Variants in ERBB4 observed in about 807,000 individuals in gnomAD.
ERBB4 encodes erb-b2 receptor tyrosine kinase 4.
A neutral mutation model predicts 158.0 loss-of-function variants in ERBB4; 42 were observed. The observed-to-expected ratio is 0.27, with a 90% confidence interval of 0.21 to 0.34. The LOEUF (loss-of-function observed/expected upper bound fraction) is 0.34, where lower values mean the gene tolerates loss of function less well. ERBB4 is among the 10% of genes least tolerant of loss of function. The probability of loss-of-function intolerance (pLI) is 1.00; values close to 1 mark genes in which losing one functional copy is unlikely to be tolerated. For missense variants in ERBB4, 1,333 were observed against 1,624.1 expected (o/e 0.82, Z 3.08); for synonymous variants, 583 against 558.7 (o/e 1.04, Z -0.61).
intron 24 of ERBB4, among the ~76,000 whole-genome samples, chr2:211,421,299 G>T (rs1250795258): frequency 6.6e-6 from 1 of 151,724 alleles, no homozygotes; most frequent in African/African-American, 2.4e-5. Context: ...TTATCTTTAT[G>T]TCAGACTGTC....
chr2:212,402,070 A>G (rs1199341780), intron 1 of ERBB4, among the ~76,000 whole-genome samples: 1 of 152,146 alleles, frequency 6.6e-6, no homozygotes, highest in Admixed American at 6.6e-5. Context: ...ACTAAAGTTC[A>G]CAGCAACTTT....
intron 19 of ERBB4, among the ~76,000 whole-genome samples, chr2:211,580,862 TATAC>T (rs1559317584): frequency 0.032 from 157 of 4,908 alleles, 15 homozygotes; most frequent in South Asian, 0.11. Context: ...ATAGTATGCA[TATAC>T]ATATATATAT....
rs536092269 is a variant in ERBB4 at position 211,407,205 on chromosome 2, T to A, written c.3135+13236A>T. Among the ~76,000 whole-genome samples the A allele has an allele frequency of 3.1e-4, 47 of 152,322 alleles. No homozygotes were observed. The South Asian group carries it at 9.7e-3, about 32-fold the overall frequency. On this transcript the variant is annotated intron_variant, in intron 25 of 27. Coordinates refer to ENST00000342788, the MANE Select transcript of ERBB4 (RefSeq NM_005235.3). The stretch of plus-strand genomic sequence containing the variant: ...AGTGATAACAGGTATCACCTATTAT[T>A]ATTTACTCTTTGAGGAATTTAATAC...
At chr2:212,013,197 C>T (rs2076432885) in intron 2 of ERBB4, among the ~76,000 whole-genome samples, 1 of 152,050 alleles carries the variant, frequency 6.6e-6, no homozygotes, top group African/African-American at 2.4e-5. Context: ...GCTAGGGCTA[C>T]AGGCACTCAC....
chr2:212,218,800 G>T (rs1029232728), intron 1 of ERBB4, among the ~76,000 whole-genome samples: 1 of 151,362 alleles, frequency 6.6e-6, no homozygotes, highest in African/African-American at 2.4e-5. Flanking sequence ...TCAGAAAGAT[G>T]AGTTTCATGT....
At chr2:212,120,259 T>A (rs1403047738) in intron 2 of ERBB4, among the ~76,000 whole-genome samples, 1 of 152,196 alleles carries the variant, frequency 6.6e-6, no homozygotes, top group Non-Finnish European at 1.5e-5. Context: ...ATTTGAGTAG[T>A]CAAGAACCTA....
At chr2:211,974,386 G>C (rs2081545639) in intron 2 of ERBB4, among the ~76,000 whole-genome samples, 2 of 152,154 alleles carry the variant, frequency 1.3e-5, no homozygotes, top group Admixed American at 6.5e-5. Context: ...GAAGAAGGGA[G>C]GAGGTGACAT....
chr2:212,236,650 T>C (rs2083887801), intron 1 of ERBB4, among the ~76,000 whole-genome samples: 1 of 152,218 alleles, frequency 6.6e-6, no homozygotes, highest in Non-Finnish European at 1.5e-5. Flanking sequence ...CAGAACTTGT[T>C]ATCAGTCTAT....
At chr2:212,331,532 G>GA (rs2088172790) in intron 1 of ERBB4, among the ~76,000 whole-genome samples, 3 of 151,898 alleles carry the variant, frequency 2.0e-5, no homozygotes, top group South Asian at 2.1e-4. Context: ...CAGGGAGATA[G>GA]AAAAAAGCAT....
intron 3 of ERBB4, among the ~76,000 whole-genome samples, chr2:211,843,955 A>G (rs1331858824): frequency 6.6e-6 from 1 of 152,150 alleles, no homozygotes; most frequent in African/African-American, 2.4e-5. Context: ...TGAATTGCCA[A>G]CTTTTCACAG....
At chr2:212,204,380 G>C (rs2082674662) in intron 1 of ERBB4, among the ~76,000 whole-genome samples, 1 of 152,048 alleles carries the variant, frequency 6.6e-6, no homozygotes, top group Non-Finnish European at 1.5e-5. Context: ...ATAAAGAACT[G>C]TGAACTTCTG....
intron 1 of ERBB4, among the ~76,000 whole-genome samples, chr2:212,222,257 C>G (rs538446682): frequency 6.6e-6 from 1 of 151,410 alleles, no homozygotes; most frequent in Non-Finnish European, 1.5e-5. Context: ...ATGAGGAGTA[C>G]GGGTTAATGG....
intron 12 of ERBB4, among the ~76,000 whole-genome samples, chr2:211,690,779 G>A (rs939844556): frequency 6.6e-6 from 1 of 152,152 alleles, no homozygotes; most frequent in Non-Finnish European, 1.5e-5. Flanking sequence ...CATGAGTGAA[G>A]GAGTGGAAGG....
chr2:211,794,514 TATGATA>T, intron 3 of ERBB4, among the ~76,000 whole-genome samples: 1 of 151,942 alleles, frequency 6.6e-6, no homozygotes, highest in South Asian at 2.1e-4. Context: ...TTTTGATGAT[TATGATA>T]ATGATAACAT....
chr2:211,689,564 C>T (rs2072714117), intron 12 of ERBB4, among the ~76,000 whole-genome samples: 1 of 152,014 alleles, frequency 6.6e-6, no homozygotes, highest in Non-Finnish European at 1.5e-5. Flanking sequence ...AATGACTTCG[C>T]ACTAATTTAT....
intron 1 of ERBB4, among the ~76,000 whole-genome samples, chr2:212,287,622 G>T (rs1198371688): frequency 6.6e-6 from 1 of 152,052 alleles, no homozygotes; most frequent in Non-Finnish European, 1.5e-5. Flanking sequence ...TATCCAGTAA[G>T]AGGCGTGCTC....
At chr2:212,055,879 G>A (rs547641103) in intron 2 of ERBB4, among the ~76,000 whole-genome samples, 90 of 152,326 alleles carry the variant, frequency 5.9e-4, no homozygotes, top group African/African-American at 7.7e-4. Context: ...ACCTCTCCCC[G>A]TCCAAAGGAG....
chr2:211,954,675 T>C (rs1174615768), intron 2 of ERBB4, among the ~76,000 whole-genome samples: 1 of 151,964 alleles, frequency 6.6e-6, no homozygotes, highest in African/African-American at 2.4e-5. Flanking sequence ...TAATAGAAAG[T>C]CCCTTCTGCT....
At chr2:211,938,418 A>G (rs998817105) in intron 3 of ERBB4, among the ~76,000 whole-genome samples, 9 of 152,164 alleles carry the variant, frequency 5.9e-5, no homozygotes, top group Non-Finnish European at 1.3e-4. Flanking sequence ...TGGATTTAGT[A>G]AAAGTCTGGT....
Sources: gnomAD v4.1 joint callset for allele counts (sites outside exome capture counted in the v4.1 genomes callset) on GRCh38, gnomAD v4.1.1 for gene constraint, MANE v1.5 for transcripts, NCBI Gene and HGNC (gene_info 2026-07-23, HGNC 2026-07-21) for gene names.